The following GOSR2 variants were observed in gnomAD, a reference collection of about 807,000 sequenced individuals.
GOSR2 encodes the protein 27 kDa Golgi SNARE protein.
A neutral mutation model predicts 27.9 loss-of-function variants in GOSR2; 20 were observed. The observed-to-expected ratio is 0.72, with a 90% CI of 0.50 to 1.04. The LOEUF (loss-of-function observed/expected upper bound fraction) is 1.04. GOSR2 is among the 50% of genes least tolerant of loss of function. The pLI is 0.00. For synonymous variants in GOSR2, 91 were observed against 98.8 expected (o/e 0.92, Z 0.47); for missense variants, 261 against 270.5 (o/e 0.97, Z 0.25).
chr17:46,968,450 C>T (rs981673310), downstream of GOSR2, among the ~76,000 whole-genome samples: 4 of 152,238 alleles, frequency 2.6e-5, no homozygotes, highest in African/African-American at 4.8e-5. Flanking sequence ...TCCCTCCATG[C>T]GGGGACCGCT....
chr17:46,972,110 C>T (rs963515547), intron 6 of GOSR2, among the ~76,000 whole-genome samples: 12 of 152,172 alleles, frequency 7.9e-5, no homozygotes, highest in African/African-American at 2.4e-4. Context: ...TAGAGACACC[C>T]GGAGGGGACA....
At chr17:46,938,375 T>C (rs1451361149) in intron 5 of GOSR2, among the ~76,000 whole-genome samples, 1 of 152,208 alleles carries the variant, frequency 6.6e-6, no homozygotes, top group Non-Finnish European at 1.5e-5. Flanking sequence ...CAGCACCATT[T>C]GTGGAAAAGA....
At chr17:46,957,480 G>A (rs1451380396) in intron 6 of GOSR2, among the ~76,000 whole-genome samples, 1 of 152,186 alleles carries the variant, frequency 6.6e-6, no homozygotes, top group East Asian at 1.9e-4. Context: ...AGGTGTGGTG[G>A]TGGGTGCCTG....
chr17:46,966,183 A>G (rs1283164116), intron 6 of GOSR2, among the ~76,000 whole-genome samples: 1 of 152,218 alleles, frequency 6.6e-6, no homozygotes, highest in East Asian at 1.9e-4. Context: ...GTGCTCACAA[A>G]AATGTTCCAT....
intron 1 of GOSR2, among the ~76,000 whole-genome samples, chr17:46,927,518 G>A (rs1334604164): frequency 2.0e-5 from 3 of 152,142 alleles, no homozygotes; most frequent in African/African-American, 7.2e-5. Flanking sequence ...TTTGAAAGCT[G>A]CTCTGCTTTT....
chr17:46,947,953 A>G (rs2003539), intron 6 of GOSR2, among the ~76,000 whole-genome samples: 67,903 of 151,998 alleles, frequency 0.45, 15,465 homozygotes, highest in East Asian at 0.55. Flanking sequence ...TGTTTTTACT[A>G]GAGACAGAGT....
chr17:46,935,302 T>G, intron 5 of GOSR2, 133 bp downstream of exon 5: 1 of 1,547,328 alleles, frequency 6.5e-7, no homozygotes, highest in East Asian at 2.3e-5. Context: ...AGCCCTTGAG[T>G]TTGGGATCCT....
At chr17:46,935,783 G>C in intron 5 of GOSR2, 1 of 986,800 alleles carries the variant, frequency 1.0e-6, no homozygotes, top group South Asian at 4.7e-5. Context: ...TCCAGCCCCT[G>C]GGAGTGGTTT....
intron 2 of GOSR2, chr17:46,929,857 A>G (rs2087053187): frequency 4.8e-6 from 2 of 415,430 alleles, no homozygotes; most frequent in Non-Finnish European, 8.9e-6. Flanking sequence ...ATCTTAATCT[A>G]ATTACCTAGT....
downstream of GOSR2, among the ~76,000 whole-genome samples, chr17:46,969,414 G>T (rs529743257): frequency 6.6e-6 from 1 of 152,300 alleles, no homozygotes; most frequent in African/African-American, 2.4e-5. Flanking sequence ...TTCAAATGCT[G>T]GTTCCGCCAC....
At chr17:46,937,307 A>G (rs1170196114) in intron 5 of GOSR2, 1 of 152,254 alleles carries the variant, frequency 6.6e-6, no homozygotes, top group Non-Finnish European at 1.5e-5. Context: ...TACTCAGAAG[A>G]AACCTCAAAG....
At position 46,941,859 on chromosome 17, in the gene GOSR2, T is replaced by TA; in HGVS notation, c.*3100dup. The TA allele has an allele frequency of 1.1e-6, 1 of 890,364 alleles. No individual in the cohort carries two copies. The allele number at this position is 890,364 out of a possible 1,614,324, so 55.2% of individuals were successfully genotyped here. The stretch of plus-strand genomic sequence containing the variant: ...CTTCGGCCTCCCAAAGTTCTAGGGT[T>TA]ACAGGTGTTAGCCACTGTACCTGGC... On this transcript the variant is annotated 3_prime_UTR_variant, in exon 6 of 6. Coordinates refer to ENST00000640051, the MANE Select transcript of GOSR2 (RefSeq NM_004287.5).
intron 6 of GOSR2, chr17:46,963,574 T>C (rs1191176249): frequency 1.3e-5 from 2 of 150,884 alleles, no homozygotes; most frequent in Non-Finnish European, 2.9e-5. Flanking sequence ...GCAGATGATA[T>C]AGTTGGAGAT....
chr17:46,955,633 T>A (rs993395577), intron 6 of GOSR2: 4 of 152,238 alleles, frequency 2.6e-5, no homozygotes, highest in African/African-American at 9.6e-5. Context: ...TCTGAAGCAG[T>A]GCATGGCTTG....
At chr17:46,965,802 T>G (rs2091291795) in intron 6 of GOSR2, among the ~76,000 whole-genome samples, 1 of 151,824 alleles carries the variant, frequency 6.6e-6, no homozygotes, top group South Asian at 2.1e-4. Flanking sequence ...TTTGTATTTT[T>G]TTTTTTTTTG....
chr17:46,946,515 A>G (rs2147172111), downstream of GOSR2, among the ~76,000 whole-genome samples: 1 of 152,136 alleles, frequency 6.6e-6, no homozygotes, highest in East Asian at 1.9e-4. Context: ...GTGGAAAAAA[A>G]AAAAAGAAAT....
At position 46,940,470 on chromosome 17, in the gene GOSR2, C is replaced by T. The variant is rs2089109106; in HGVS notation, c.*1710C>T. 1.2e-5 allele frequency: 20 copies of T among 1,611,342 alleles called. No homozygotes were observed. Among genetic ancestry groups the T allele is most frequent in the Admixed American group, 1.7e-5 (1 of 60,006 alleles). ...ATTTCCATTACACACAGCACTGCTGCGGTGCCAGGGACCTAGCGCAGGACT... is the reference window on the plus strand; with the variant it reads ...ATTTCCATTACACACAGCACTGCTGTGGTGCCAGGGACCTAGCGCAGGACT... On this transcript the variant is annotated 3_prime_UTR_variant, in exon 6 of 6. Coordinates refer to ENST00000640051, the MANE Select transcript of GOSR2 (RefSeq NM_004287.5).
chr17:46,969,002 C>T (rs76774446), downstream of GOSR2: 7 of 152,974 alleles, frequency 4.6e-5, no homozygotes, highest in Non-Finnish European at 1.0e-4. Context: ...ACCTGCCCCC[C>T]ACCACAGTCA....
At chr17:46,929,461 T>C (rs1253394300) in intron 1 of GOSR2, 59 bp from the exon 2 acceptor site, 3 of 877,512 alleles carry the variant, frequency 3.4e-6, no homozygotes, top group African/African-American at 3.3e-5. Context: ...TTGTCTTTCC[T>C]GACTGAAGCG....
Sources: gnomAD v4.1 joint callset for allele counts (sites outside exome capture counted in the v4.1 genomes callset) on GRCh38, gnomAD v4.1.1 for gene constraint, MANE v1.5 for transcripts, NCBI Gene and HGNC (gene_info 2026-07-23, HGNC 2026-07-21) for gene names.